The following PARVA variants were observed in gnomAD, a reference collection of about 807,000 sequenced individuals.
PARVA encodes the protein alpha-parvin.
A neutral mutation model predicts 52.6 loss-of-function variants in PARVA; 25 were observed. The observed-to-expected ratio is 0.48, with a 90% CI of 0.35 to 0.66. The LOEUF is 0.66. Ranked by LOEUF, PARVA falls within the 30% of genes least tolerant of loss-of-function variation. The probability of loss-of-function intolerance (pLI) is 0.01; values close to 1 mark genes in which losing one functional copy is unlikely to be tolerated. For synonymous variants in PARVA, 185 were observed against 179.1 expected, an observed-to-expected ratio of 1.03 and a Z score of -0.26; for missense variants, 373 against 450.9, an observed-to-expected ratio of 0.83 and a Z score of 1.56.
At chr11:12,424,078 C>A (rs1940191751) in intron 1 of PARVA, among the ~76,000 whole-genome samples, 1 of 152,104 alleles carries the variant, frequency 6.6e-6, no homozygotes, top group African/African-American at 2.4e-5. Context: ...AAATCAAGAG[C>A]AATGGATATA....
intron 1 of PARVA, among the ~76,000 whole-genome samples, chr11:12,440,082 A>G (rs537292396): frequency 1.3e-5 from 2 of 152,298 alleles, no homozygotes; most frequent in East Asian, 1.9e-4. Context: ...GCAGGATGGC[A>G]TCTTGTTTAT....
chr11:12,471,722 A>G (rs2135034085), intron 1 of PARVA, among the ~76,000 whole-genome samples: 1 of 152,350 alleles, frequency 6.6e-6, no homozygotes, highest in South Asian at 2.1e-4. Context: ...ACCTGTGGCC[A>G]TTGAGTACTT....
At chr11:12,465,330 C>T (rs1358660650) in intron 1 of PARVA, among the ~76,000 whole-genome samples, 1 of 152,164 alleles carries the variant, frequency 6.6e-6, no homozygotes, top group African/African-American at 2.4e-5. Flanking sequence ...AAGGCCCTCA[C>T]TAGATGTGGC....
intron 1 of PARVA, among the ~76,000 whole-genome samples, chr11:12,424,784 T>C (rs1940204930): frequency 6.6e-6 from 1 of 152,244 alleles, no homozygotes; most frequent in Non-Finnish European, 1.5e-5. Flanking sequence ...GATTTAATGT[T>C]GAATGTTATT....
At chr11:12,503,272 G>C (rs1040924751) in intron 5 of PARVA, among the ~76,000 whole-genome samples, 1 of 152,192 alleles carries the variant, frequency 6.6e-6, no homozygotes, top group African/African-American at 2.4e-5. Context: ...CCAAGGAAGA[G>C]ACCTAGTGTT....
At chr11:12,431,650 G>T (rs776065832) in intron 1 of PARVA, among the ~76,000 whole-genome samples, 9 of 152,176 alleles carry the variant, frequency 5.9e-5, no homozygotes, top group Non-Finnish European at 1.0e-4. Flanking sequence ...CCCATGCTAG[G>T]GCCTAACCAT....
chr11:12,396,115 G>A (rs1475102411), intron 1 of PARVA, among the ~76,000 whole-genome samples: 2 of 152,176 alleles, frequency 1.3e-5, no homozygotes, highest in South Asian at 2.1e-4. Context: ...CAATTTTACA[G>A]ATGAGGAAAC....
At chr11:12,382,840 A>G (rs370092230) in intron 1 of PARVA, among the ~76,000 whole-genome samples, 7 of 152,242 alleles carry the variant, frequency 4.6e-5, no homozygotes, top group African/African-American at 1.7e-4. Flanking sequence ...CCTTCTTTAC[A>G]TGGAAGTTGT....
At chr11:12,466,310 T>TG (rs1454957624) in intron 1 of PARVA, among the ~76,000 whole-genome samples, 3 of 121,278 alleles carry the variant, frequency 2.5e-5, no homozygotes, top group East Asian at 3.2e-4. Flanking sequence ...TTTATTTAGT[T>TG]GTTTTTTTTT....
At chr11:12,398,520 C>T (rs1236272088) in intron 1 of PARVA, among the ~76,000 whole-genome samples, 1 of 149,268 alleles carries the variant, frequency 6.7e-6, no homozygotes, top group Admixed American at 6.6e-5. Context: ...AAATGAGACA[C>T]AGGGCATTTC....
At chr11:12,481,858 T>C (rs908127159) in intron 4 of PARVA, among the ~76,000 whole-genome samples, 2 of 152,000 alleles carry the variant, frequency 1.3e-5, no homozygotes, top group Non-Finnish European at 2.9e-5. Context: ...CCCAGGAGCA[T>C]ACACATCTGA....
rs1255881543 is a variant in PARVA, at chr11:12,496,700, A to AC, written c.541+102_541+103insC. The AC allele has an allele frequency of 2.6e-6, 3 of 1,157,608 alleles. No homozygotes were observed. The Admixed American group carries it at 8.2e-5, about 32-fold the overall frequency. The allele number at this position is 1,157,608 out of a possible 1,614,324, so 71.7% of individuals were successfully genotyped here. A position where few individuals can be genotyped will look rare whatever the true frequency, so the allele number is the denominator to read the frequency against. On this transcript the variant is annotated intron_variant, in intron 5 of 12. Coordinates refer to ENST00000334956, the MANE Select transcript of PARVA (RefSeq NM_018222.5). ...CCATAAGCTTGGCAGGCTTCAGGGG[A>AC]GGGGGTCAAACTCATTTATCTTTGA...
chr11:12,395,341 AG>A (rs2134958983), intron 1 of PARVA, among the ~76,000 whole-genome samples: 1 of 152,340 alleles, frequency 6.6e-6, no homozygotes, highest in Admixed American at 6.5e-5. Context: ...TGTTTACCGA[AG>A]AACAGCTTTA....
chr11:12,501,554 T>G (rs940610455), intron 5 of PARVA, among the ~76,000 whole-genome samples: 1 of 152,180 alleles, frequency 6.6e-6, no homozygotes, highest in African/African-American at 2.4e-5. Flanking sequence ...CAGTTGTACT[T>G]TTTTCATCAG....
chr11:12,517,445 G>A lies in PARVA; in HGVS notation c.868-165G>A, dbSNP rs149305479. Reference sequence around the variant, plus strand: ...GGCTCCTGTGCCAGCCAGACGTGGGGCAGAGCAGACCTCCTTGTCTCGGGC... The same window carrying A: ...GGCTCCTGTGCCAGCCAGACGTGGGACAGAGCAGACCTCCTTGTCTCGGGC... On this transcript the variant is annotated intron_variant, in intron 10 of 12. Coordinates refer to ENST00000334956, the MANE Select transcript of PARVA (RefSeq NM_018222.5). Among the ~76,000 whole-genome samples, 513 of 152,258 alleles carry A rather than the reference G, an allele frequency of 3.4e-3. 4 individuals are homozygous for A. Among genetic ancestry groups the A allele is most frequent in the African/African-American group, 0.011 (477 of 41,556 alleles).
chr11:12,453,874 T>A (rs188541109), intron 1 of PARVA, among the ~76,000 whole-genome samples: 1 of 152,190 alleles, frequency 6.6e-6, no homozygotes, highest in Non-Finnish European at 1.5e-5. Flanking sequence ...GGGATGGCCA[T>A]GGTGAGCGAG....
rs1941796828 is a variant in PARVA, at chr11:12,533,431, T to C, written c.*5506T>C. ...CATACTAATCAGCATGAACTATAAC[T>C]GCTCCAATGCCCACCACATTATATA... is the stretch of plus-strand genomic sequence containing the variant. On this transcript the variant is annotated 3_prime_UTR_variant, in exon 13 of 13. Coordinates refer to ENST00000334956, the MANE Select transcript of PARVA (RefSeq NM_018222.5). Among the ~76,000 whole-genome samples the C allele has an allele frequency of 6.6e-6, 1 of 152,214 alleles. No homozygotes were observed. Among genetic ancestry groups the C allele is most frequent in the African/African-American group, 2.4e-5 (1 of 41,452 alleles).
chr11:12,378,574 CTTT>C (rs373881363), intron 1 of PARVA, among the ~76,000 whole-genome samples: 1,981 of 114,876 alleles, frequency 0.017, 17 homozygotes, highest in Non-Finnish European at 0.024. Flanking sequence ...CGACCTTATT[CTTT>C]TTTTTTTTTT....
rs1361410795 is a variant in PARVA at position 12,529,741 on chromosome 11, A to C, written c.*1816A>C. 1 of 152,202 alleles carries C rather than the reference A, an allele frequency of 6.6e-6. No homozygotes were observed. Among genetic ancestry groups the C allele is most frequent in the Non-Finnish European group, 1.5e-5 (1 of 68,028 alleles). The allele number at this position is 152,202 out of a possible 1,614,324, so 9.4% of individuals were successfully genotyped here. A position where few individuals can be genotyped will look rare whatever the true frequency, so the allele number is the denominator to read the frequency against. ...ATCTGCAGTAATTGAGGACCCATAA[A>C]ATTTAGATAACTACATGTCTTTGCT... On this transcript the variant is annotated 3_prime_UTR_variant, in exon 13 of 13. Coordinates refer to ENST00000334956, the MANE Select transcript of PARVA (RefSeq NM_018222.5).
Sources: gnomAD v4.1 joint callset for allele counts (sites outside exome capture counted in the v4.1 genomes callset) on GRCh38, gnomAD v4.1.1 for gene constraint, MANE v1.5 for transcripts, NCBI Gene and HGNC (gene_info 2026-07-23, HGNC 2026-07-21) for gene names.